The following COL4A5 variants were observed in gnomAD, a reference collection of about 807,000 sequenced individuals.
COL4A5 encodes the protein collagen type IV alpha 5 chain, also known as collagen alpha-5(IV) chain.
Under a neutral mutation model 130.2 loss-of-function variants are expected in COL4A5, and 26 were observed. The observed-to-expected ratio is 0.20, with a 90% CI of 0.15 to 0.28. The LOEUF (loss-of-function observed/expected upper bound fraction) is 0.28, where lower values mean the gene tolerates loss of function less well. Among genes scored for constraint, COL4A5 ranks in the 10% least tolerant of loss-of-function variants. The pLI is 1.00. For synonymous variants in COL4A5, 496 were observed against 439.6 expected, an observed-to-expected ratio of 1.13 and a Z score of -1.60; for missense variants, 1,131 against 1,344.3, an observed-to-expected ratio of 0.84 and a Z score of 2.48.
intron 43 of COL4A5, 135 bp downstream of exon 43, chrX:108,674,888 C>T: frequency 1.7e-6 from 1 of 574,150 alleles, no homozygotes; most frequent in South Asian, 3.7e-5. Flanking sequence ...GGGGTTTTAA[C>T]ATTTTGATGA....
At chrX:108,479,032 C>T (rs767693234) in intron 1 of COL4A5, among the ~76,000 whole-genome samples, 1 of 112,086 alleles carries the variant, frequency 8.9e-6, no homozygotes, top group Admixed American at 9.4e-5. Context: ...TGTTGCTGAG[C>T]CCATGCATAA....
intron 1 of COL4A5, among the ~76,000 whole-genome samples, chrX:108,497,903 G>A (rs1012854780): frequency 3.6e-5 from 4 of 111,053 alleles, no homozygotes; most frequent in African/African-American, 1.3e-4. Context: ...TATATATTAT[G>A]GATACCAGTT....
chrX:108,596,981 G>A lies in COL4A5; in HGVS notation c.1517-17G>A, dbSNP rs764950205. On this transcript the variant is annotated splice_polypyrimidine_tract_variant and intron_variant, in intron 22 of 52. Transcript: ENST00000328300. Reference sequence around the variant, plus strand: ...TTATTGTGTGTGTGTGTGTTTGTTTGTGTGTGTGTGTGTTAGGATCTCTTG... The same window carrying A: ...TTATTGTGTGTGTGTGTGTTTGTTTATGTGTGTGTGTGTTAGGATCTCTTG... 10 of 1,056,711 alleles carry A rather than the reference G, an allele frequency of 9.5e-6. No homozygotes were observed. Among genetic ancestry groups the A allele is most frequent in the Non-Finnish European group, 1.3e-5 (10 of 776,887 alleles). 87.1% of individuals were successfully genotyped at this position (1,056,711 alleles called of 1,213,427 possible).
chrX:108,659,384 C>T (rs2067908047), intron 37 of COL4A5, among the ~76,000 whole-genome samples: 1 of 111,119 alleles, frequency 9.0e-6, no homozygotes, highest in Admixed American at 9.6e-5. Context: ...TTGTGTATTG[C>T]ATTATAAATG....
chrX:108,568,731 T>A, intron 5 of COL4A5, 28 bp from the exon 6 acceptor site: 1 of 1,204,750 alleles, frequency 8.3e-7, no homozygotes. Context: ...TAAGACATAT[T>A]ATACATGTGT....
intron 1 of COL4A5, among the ~76,000 whole-genome samples, chrX:108,537,776 G>A (rs767202873): frequency 2.2e-4 from 25 of 111,763 alleles, no homozygotes; most frequent in Non-Finnish European, 4.5e-4. Context: ...TACATTAACA[G>A]CCATTTGGGG....
intron 30 of COL4A5, among the ~76,000 whole-genome samples, chrX:108,616,189 G>A (rs1423802665): frequency 1.8e-5 from 2 of 110,325 alleles, no homozygotes; most frequent in Non-Finnish European, 3.8e-5. Flanking sequence ...TCAGGAAAAA[G>A]CACTTATTTT....
chrX:108,550,861 G>A (rs1415533996), intron 2 of COL4A5, among the ~76,000 whole-genome samples: 1 of 111,143 alleles, frequency 9.0e-6, no homozygotes, highest in African/African-American at 3.3e-5. Context: ...ACTAAGATCA[G>A]TAAATAAAAA....
intron 1 of COL4A5, among the ~76,000 whole-genome samples, chrX:108,517,320 A>T (rs1289991394): frequency 8.9e-6 from 1 of 111,833 alleles, no homozygotes; most frequent in African/African-American, 3.2e-5. Context: ...AAGTAAAATA[A>T]CTGCTTTCAG....
intron 1 of COL4A5, among the ~76,000 whole-genome samples, chrX:108,533,829 A>G (rs1263147936): frequency 9.0e-6 from 1 of 111,226 alleles, no homozygotes; most frequent in East Asian, 2.8e-4. Context: ...CTCAAACAAC[A>G]GGAAAAAACA....
At chrX:108,649,442 T>C (rs1214865301) in intron 36 of COL4A5, among the ~76,000 whole-genome samples, 1 of 111,827 alleles carries the variant, frequency 8.9e-6, no homozygotes, top group Admixed American at 9.5e-5. Flanking sequence ...AGTGCCTGCA[T>C]AGCCAAAGCA....
chrX:108,526,593 C>CTT (rs2065315562), intron 1 of COL4A5, among the ~76,000 whole-genome samples: 2 of 45,114 alleles, frequency 4.4e-5, no homozygotes, highest in Non-Finnish European at 7.5e-5. Flanking sequence ...CCCTCCCTCC[C>CTT]TCCTTTCTTT....
chrX:108,558,399 C>T (rs893575606), intron 2 of COL4A5, among the ~76,000 whole-genome samples: 1 of 110,345 alleles, frequency 9.1e-6, no homozygotes, highest in African/African-American at 3.3e-5. Flanking sequence ...ATATTCACAT[C>T]AGGCAACCCT....
chrX:108,610,341 C>A (rs1171429347), intron 29 of COL4A5, among the ~76,000 whole-genome samples: 1 of 111,281 alleles, frequency 9.0e-6, no homozygotes, highest in Admixed American at 9.6e-5. Context: ...GTAAGACAGC[C>A]CAATCCAATT....
intron 37 of COL4A5, among the ~76,000 whole-genome samples, chrX:108,662,202 G>A (rs1308337917): frequency 9.4e-6 from 1 of 106,780 alleles, no homozygotes; most frequent in African/African-American, 3.4e-5. Context: ...GGAATACTAT[G>A]CAGCCATAAA....
At chrX:108,609,108 T>C (rs1433395802) in intron 29 of COL4A5, among the ~76,000 whole-genome samples, 2 of 112,116 alleles carry the variant, frequency 1.8e-5, no homozygotes, top group Non-Finnish European at 3.8e-5. Flanking sequence ...TTTTTACAAT[T>C]CTTTTTTATG....
At chrX:108,542,705 C>G (rs1257493478) in intron 2 of COL4A5, among the ~76,000 whole-genome samples, 1 of 104,424 alleles carries the variant, frequency 9.6e-6, no homozygotes, top group Non-Finnish European at 1.9e-5. Context: ...AATGGTTGAA[C>G]TAGTTTACAG....
At chrX:108,696,199 C>G in intron 52 of COL4A5, 98 bp from the exon 53 acceptor site, 1 of 699,267 alleles carries the variant, frequency 1.4e-6, no homozygotes, top group Non-Finnish European at 2.3e-6. Flanking sequence ...AAGAGAGCTA[C>G]TTAACACACA....
chrX:108,571,781 TA>T, intron 7 of COL4A5, 29 bp from the exon 8 acceptor site: 1 of 1,115,331 alleles, frequency 9.0e-7, no homozygotes, highest in Non-Finnish European at 1.2e-6. Context: ...CTCATACATA[TA>T]AAATAATCCC....
Sources: allele counts gnomAD v4.1 joint callset (sites outside exome capture counted in the v4.1 genomes callset), GRCh38; gene constraint gnomAD v4.1.1; transcripts MANE v1.5; gene names NCBI Gene and HGNC (gene_info 2026-07-23, HGNC 2026-07-21).